The following DPYD variants were observed in gnomAD, a reference collection of about 807,000 sequenced individuals.
DPYD encodes dihydropyrimidine dehydrogenase.
A neutral mutation model predicts 116.2 loss-of-function variants in DPYD; 109 were observed. The ratio of observed to expected loss-of-function variants is 0.94; its 90% CI spans 0.80 to 1.10. The LOEUF is 1.10. Among genes scored for constraint, DPYD ranks in the 50% least tolerant of loss-of-function variants. The pLI, the probability that DPYD is intolerant of heterozygous loss-of-function variation, is 0.00. For synonymous variants in DPYD, 440 were observed against 432.0 expected, an observed-to-expected ratio of 1.02 and a Z score of -0.23; for missense variants, 1,302 against 1,254.5, an observed-to-expected ratio of 1.04 and a Z score of -0.57.
intron 18 of DPYD, among the ~76,000 whole-genome samples, chr1:97,281,263 C>T (rs1211385651): frequency 6.6e-6 from 1 of 151,386 alleles, no homozygotes; most frequent in Non-Finnish European, 1.5e-5. Context: ...AATTTCCAGA[C>T]CTAAAAATAA....
chr1:97,713,712 TTTATC>T (rs1287990239), intron 5 of DPYD, among the ~76,000 whole-genome samples: 4 of 152,154 alleles, frequency 2.6e-5, no homozygotes, highest in African/African-American at 9.6e-5. Context: ...GTAAAAAATA[TTTATC>T]TTATTAGTGC....
At chr1:97,532,128 T>C (rs888649224) in intron 12 of DPYD, among the ~76,000 whole-genome samples, 1 of 152,120 alleles carries the variant, frequency 6.6e-6, no homozygotes, top group Admixed American at 6.5e-5. Flanking sequence ...GTTTGGCATA[T>C]GGTTTTTGCC....
chr1:97,525,871 CGTGTGTGTGTGTGTGCGCGCGCGCGT>C (rs1290592663), intron 12 of DPYD, among the ~76,000 whole-genome samples: 4 of 123,064 alleles, frequency 3.3e-5, no homozygotes, highest in Non-Finnish European at 5.0e-5. Flanking sequence ...TAAGAGTGTG[CGTGTGTGTGTGTGTGCGCGCGCGCGT>C]GTGTGTGTGT....
In DPYD at chr1:97,836,855, G is replaced by T. The variant is rs149238775; in HGVS notation, c.151-8659C>A. Among the ~76,000 whole-genome samples, 805 of 152,138 alleles carry T rather than the reference G, an allele frequency of 5.3e-3. 6 individuals carry two copies. Among genetic ancestry groups the T allele is most frequent in the Middle Eastern group, 0.02 (6 of 294 alleles). The stretch of plus-strand genomic sequence containing the variant: ...ATTTTTGTTTACAAAGAAAAAATAT[G>T]CCTAAGATTTCCATATACTGTACAC... On this transcript the variant is annotated intron_variant, in intron 2 of 22. Coordinates refer to ENST00000370192, the MANE Select transcript of DPYD (RefSeq NM_000110.4).
chr1:97,875,229 G>C (rs1177442336), intron 2 of DPYD, among the ~76,000 whole-genome samples: 1 of 151,904 alleles, frequency 6.6e-6, no homozygotes, highest in African/African-American at 2.4e-5. Context: ...CATAGCAAAA[G>C]AAAAGCCAGG....
chr1:97,137,237 G>A (rs1323052705), intron 20 of DPYD, among the ~76,000 whole-genome samples: 1 of 152,200 alleles, frequency 6.6e-6, no homozygotes, highest in Non-Finnish European at 1.5e-5. Flanking sequence ...GCATGGACCA[G>A]CTAACACAGT....
At chr1:97,317,391 C>T (rs968132273) in intron 16 of DPYD, among the ~76,000 whole-genome samples, 1 of 151,890 alleles carries the variant, frequency 6.6e-6, no homozygotes, top group South Asian at 2.1e-4. Flanking sequence ...TTAAAAAGAC[C>T]TCAGTGGGTT....
At chr1:97,668,503 T>C (rs1270474984) in intron 8 of DPYD, among the ~76,000 whole-genome samples, 1 of 152,132 alleles carries the variant, frequency 6.6e-6, no homozygotes, top group Non-Finnish European at 1.5e-5. Flanking sequence ...TTAAAATGCA[T>C]TAATTACTTT....
At chr1:97,672,919 T>A (rs1413283458) in intron 8 of DPYD, among the ~76,000 whole-genome samples, 3 of 152,238 alleles carry the variant, frequency 2.0e-5, no homozygotes, top group Non-Finnish European at 4.4e-5. Context: ...AAATATTATT[T>A]TCTGATGGTA....
chr1:97,698,450 A>G (rs893131786), intron 6 of DPYD, among the ~76,000 whole-genome samples: 1 of 151,886 alleles, frequency 6.6e-6, no homozygotes, highest in African/African-American at 2.4e-5. Flanking sequence ...GCCAAAAAAC[A>G]TAAGAAACTT....
chr1:97,279,372 C>G (rs141638990), intron 18 of DPYD, among the ~76,000 whole-genome samples: 1 of 152,046 alleles, frequency 6.6e-6, no homozygotes, highest in African/African-American at 2.4e-5. Flanking sequence ...ACAGTTCAAG[C>G]AGGGAGGCAC....
intron 18 of DPYD, among the ~76,000 whole-genome samples, chr1:97,251,194 C>T (rs1390853046): frequency 6.6e-6 from 1 of 151,654 alleles, no homozygotes; most frequent in African/African-American, 2.4e-5. Flanking sequence ...GTCAGGAGTT[C>T]GAGACCAGCC....
chr1:97,128,404 T>C (rs187331676), intron 20 of DPYD, among the ~76,000 whole-genome samples: 9 of 152,302 alleles, frequency 5.9e-5, no homozygotes, highest in Admixed American at 3.3e-4. Context: ...TTTTATGACT[T>C]ATACAAACAA....
At chr1:97,803,900 C>T (rs1319987491) in intron 3 of DPYD, among the ~76,000 whole-genome samples, 1 of 151,780 alleles carries the variant, frequency 6.6e-6, no homozygotes, top group Non-Finnish European at 1.5e-5. Context: ...AAATACTTGG[C>T]AACTCCACCT....
At chr1:97,178,761 T>C (rs1316170151) in intron 20 of DPYD, among the ~76,000 whole-genome samples, 4 of 152,192 alleles carry the variant, frequency 2.6e-5, no homozygotes, top group Non-Finnish European at 4.4e-5. Flanking sequence ...TTAATCCTCA[T>C]AGGCTGGTTG....
chr1:97,387,791 T>C (rs778124038), intron 14 of DPYD, among the ~76,000 whole-genome samples: 16 of 152,008 alleles, frequency 1.1e-4, no homozygotes, highest in Non-Finnish European at 1.6e-4. Context: ...AAGGCTTTTG[T>C]GGTTGTAGAT....
chr1:97,337,430 G>A lies in DPYD; in HGVS notation c.2059-31133C>T, dbSNP rs117262845. Among the ~76,000 whole-genome samples, 15 of 152,182 alleles carry A rather than the reference G, an allele frequency of 9.9e-5. No homozygotes were observed. In the East Asian group the frequency reaches 1.7e-3, roughly 18 times the overall value. ...TGTTATGCTTCCTGTCCAAACGAAAGCTACTAATTTCCCACTCTCCATCCT... is the reference window on the plus strand; with the variant it reads ...TGTTATGCTTCCTGTCCAAACGAAAACTACTAATTTCCCACTCTCCATCCT... On this transcript the variant is annotated intron_variant, in intron 16 of 22. Coordinates refer to ENST00000370192, the MANE Select transcript of DPYD (RefSeq NM_000110.4).
intron 2 of DPYD, among the ~76,000 whole-genome samples, chr1:97,854,150 C>A (rs1013897326): frequency 6.6e-6 from 1 of 151,930 alleles, no homozygotes; most frequent in South Asian, 2.1e-4. Context: ...GCCTTTTTTT[C>A]TTGATTTTTC....
chr1:97,086,480 T>A (rs1200215550), intron 21 of DPYD, among the ~76,000 whole-genome samples: 1 of 152,226 alleles, frequency 6.6e-6, no homozygotes, highest in Non-Finnish European at 1.5e-5. Flanking sequence ...TTACGACTAA[T>A]ATTAATTTAT....
Sources: allele counts gnomAD v4.1 joint callset (sites outside exome capture counted in the v4.1 genomes callset), GRCh38; gene constraint gnomAD v4.1.1; transcripts MANE v1.5; gene names NCBI Gene and HGNC (gene_info 2026-07-23, HGNC 2026-07-21).